Variants in ZMYM6 observed in about 807,000 individuals in gnomAD.
ZMYM6 encodes the protein zinc finger MYM-type protein 6.
A neutral mutation model predicts 134.0 loss-of-function variants in ZMYM6; 90 were observed. The ratio of observed to expected loss-of-function variants is 0.67; its 90% CI spans 0.57 to 0.80. The LOEUF (loss-of-function observed/expected upper bound fraction) is 0.80, where lower values mean the gene tolerates loss of function less well. Among genes scored for constraint, ZMYM6 ranks in the 30% least tolerant of loss-of-function variants. The probability of loss-of-function intolerance (pLI) is 0.00; values close to 1 mark genes in which losing one functional copy is unlikely to be tolerated. For missense variants in ZMYM6, 1,362 were observed against 1,533.9 expected, an observed-to-expected ratio of 0.89 and a Z score of 1.87; for synonymous variants, 481 against 524.1, an observed-to-expected ratio of 0.92 and a Z score of 1.12.
intron 12 of ZMYM6, among the ~76,000 whole-genome samples, chr1:35,006,712 A>G (rs1311154715): frequency 6.6e-6 from 1 of 152,224 alleles, no homozygotes; most frequent in East Asian, 1.9e-4. Flanking sequence ...TAAGTTTCCT[A>G]TAAAAATTAG....
Position 34,987,053 on chromosome 1 carries a change from C to T in ZMYM6, c.*51G>A, listed in dbSNP as rs576142905. On this transcript the variant is annotated 3_prime_UTR_variant, in exon 16 of 16. Coordinates refer to ENST00000357182, the MANE Select transcript of ZMYM6 (RefSeq NM_007167.4). ...GAAATTATCTTTTAGGATACTTATA[C>T]AAAACTTAACACAGGATTATTGACT... 4 of 1,278,316 alleles carry T rather than the reference C, an allele frequency of 3.1e-6. No homozygotes were observed. In the South Asian group the frequency reaches 7.0e-5, roughly 22 times the overall value. The allele number at this position is 1,278,316 out of a possible 1,614,324, so 79.2% of individuals were successfully genotyped here.
intron 13 of ZMYM6, among the ~76,000 whole-genome samples, 166 bp downstream of exon 13, chr1:35,004,963 CAGG>C (rs1640939992): frequency 6.6e-6 from 1 of 152,100 alleles, no homozygotes; most frequent in Admixed American, 6.6e-5. Context: ...GAGGCTGAGG[CAGG>C]AGAATTGCTT....
chr1:35,016,151 A>G (rs1445663143), intron 4 of ZMYM6, among the ~76,000 whole-genome samples: 1 of 151,968 alleles, frequency 6.6e-6, no homozygotes, highest in Non-Finnish European at 1.5e-5. Flanking sequence ...GGGTTTCGCC[A>G]TATTGGCCAC....
At chr1:35,017,036 A>G (rs1641214374) in intron 4 of ZMYM6, among the ~76,000 whole-genome samples, 1 of 152,070 alleles carries the variant, frequency 6.6e-6, no homozygotes, top group African/African-American at 2.4e-5. Flanking sequence ...AACCACTATA[A>G]GGTTAAGTAT....
At chr1:35,024,990 T>C (rs1641381822) in intron 2 of ZMYM6, among the ~76,000 whole-genome samples, 1 of 151,960 alleles carries the variant, frequency 6.6e-6, no homozygotes, top group Non-Finnish European at 1.5e-5. Flanking sequence ...TGCCTCAGCC[T>C]CCCCAGTAGC....
Position 34,987,902 on chromosome 1 carries a change from C to G in ZMYM6, c.3180G>C (p.Glu1060Asp), listed in dbSNP as rs1557552827. The part of the protein sequence containing the change: ...LTILCEEMGS[E>D]HVSLPLHAEV... ...CAGCATGAAGCGGTAAACTCACATG[C>G]TCAGATCCCATCTCTTCACACAAAA... The change falls in exon 16 of 16, where the codon GAG becomes GAC. Residue 1060 changes from glutamate (E) to aspartate (D), a missense_variant. By Grantham distance (45) the Glu-to-Asp change is conservative (BLOSUM62 2). Transcript: ENST00000357182. 6.4e-7 allele frequency: 1 copy of G among 1,551,688 alleles called. No homozygotes were observed. The highest frequency in any genetic ancestry group is 8.7e-7 in the Non-Finnish European group (1 of 1,146,980).
At chr1:35,004,038 T>C (rs1306253195) in intron 13 of ZMYM6, 33 bp from the exon 14 acceptor site, 10 of 1,558,260 alleles carry the variant, frequency 6.4e-6, no homozygotes. Context: ...TTATTATCCT[T>C]AGAATATACA....
intron 12 of ZMYM6, among the ~76,000 whole-genome samples, chr1:35,006,255 A>T (rs1329811715): frequency 6.6e-6 from 1 of 152,178 alleles, no homozygotes; most frequent in Non-Finnish European, 1.5e-5. Context: ...TAATTTGCCC[A>T]TCTCAGCCTT....
chr1:35,026,480 T>C (rs566853647), intron 2 of ZMYM6, among the ~76,000 whole-genome samples: 2 of 152,324 alleles, frequency 1.3e-5, no homozygotes, highest in Non-Finnish European at 2.9e-5. Context: ...TCATAGTCTA[T>C]ACCCTCAATC....
intron 9 of ZMYM6, 52 bp from the exon 10 acceptor site, chr1:35,010,649 T>C: frequency 6.4e-7 from 1 of 1,558,762 alleles, no homozygotes; most frequent in Non-Finnish European, 8.6e-7. Context: ...TGCTTTATCT[T>C]TAAGAACTCC....
At chr1:34,994,937 T>C (rs1640748773) in intron 14 of ZMYM6, among the ~76,000 whole-genome samples, 2 of 145,296 alleles carry the variant, frequency 1.4e-5, no homozygotes, top group Admixed American at 6.9e-5. Flanking sequence ...CATATATATA[T>C]ATATGTATAC....
intron 2 of ZMYM6, among the ~76,000 whole-genome samples, chr1:35,027,415 G>A (rs1230918375): frequency 1.3e-5 from 2 of 152,186 alleles, no homozygotes; most frequent in African/African-American, 4.8e-5. Flanking sequence ...ACTGAAGGAA[G>A]GAGAATAGGT....
intron 14 of ZMYM6, among the ~76,000 whole-genome samples, chr1:35,000,239 T>G (rs1268329600): frequency 7.8e-6 from 1 of 127,860 alleles, no homozygotes; most frequent in Non-Finnish European, 1.5e-5. Context: ...CCAGAGATTT[T>G]TTTTTTCTTT....
chr1:35,028,183 G>A (rs1403618837), intron 2 of ZMYM6, among the ~76,000 whole-genome samples: 1 of 151,880 alleles, frequency 6.6e-6, no homozygotes, highest in Non-Finnish European at 1.5e-5. Context: ...AGGCGTGGTG[G>A]CGCACACCTG....
chr1:35,002,955 T>C (rs1451898964), intron 14 of ZMYM6, among the ~76,000 whole-genome samples: 1 of 152,006 alleles, frequency 6.6e-6, no homozygotes, highest in Non-Finnish European at 1.5e-5. Context: ...GGAGGATCAC[T>C]TGAGGCTAGG....
At position 35,019,446 on chromosome 1, in the gene ZMYM6, G is replaced by A; in HGVS notation, c.335C>T (p.Thr112Ile). ...GQTAYHKTGS[T>I]QLFCSTRCIT... Reference sequence around the variant, plus strand: ...GCATCGTGTGGAGCAGAAGAGCTGAGTAGATCCTGTCTTATGATATGCAGT... The same window carrying A: ...GCATCGTGTGGAGCAGAAGAGCTGAATAGATCCTGTCTTATGATATGCAGT... Residue 112 changes from threonine (T) to isoleucine (I), a missense_variant, in exon 4 of 16, where the codon ACT (threonine) becomes ATT (isoleucine). By Grantham distance (89) the Thr-to-Ile change is moderately conservative (BLOSUM62 -1). Transcript: ENST00000357182. 6.2e-7 allele frequency: 1 copy of A among 1,614,156 alleles called. No individual in the cohort carries two copies. Among genetic ancestry groups the A allele is most frequent in the Non-Finnish European group, 8.5e-7 (1 of 1,180,038 alleles).
chr1:35,013,611 T>C, intron 6 of ZMYM6: 1 of 985,406 alleles, frequency 1.0e-6, no homozygotes, highest in South Asian at 4.7e-5. Flanking sequence ...TACCAACTGC[T>C]CAAAGGAAGC....
rs1640943432 is a variant in ZMYM6 at position 35,005,143 on chromosome 1, C to T, written c.1943G>A (p.Ser648Asn). Residue 648 changes from serine (S) to asparagine (N), a missense_variant, in exon 13 of 16, where the codon AGT (serine) becomes AAT (asparagine). This residue lies in a region of ZMYM6 where 824 missense variants were observed against 940.9 expected (regional missense o/e 0.88). Coordinates refer to ENST00000357182, the MANE Select transcript of ZMYM6 (RefSeq NM_007167.4). ...ATATCAAGTCATACCTTTTAAAACACTGTTAGTGTTCCCTGTAGATAAGGT... is the reference window on the plus strand; with the variant it reads ...ATATCAAGTCATACCTTTTAAAACATTGTTAGTGTTCCCTGTAGATAAGGT... The part of the protein sequence containing the change: ...PATLSTGNTN[S>N]VLKGAVTKEA... 2.2e-5 allele frequency: 35 copies of T among 1,614,042 alleles called. No individual in the cohort carries two copies. In the East Asian group the frequency reaches 7.6e-4, roughly 35 times the overall value.
In ZMYM6 at chr1:34,988,584, TAAG is replaced by T. The variant is rs1640611359; in HGVS notation, c.2495_2497del (p.Ser832del). The T allele has an allele frequency of 1.6e-5, 25 of 1,550,912 alleles. No homozygotes were observed. The highest frequency in any genetic ancestry group is 4.1e-5 in the African/African-American group (3 of 73,060). On this transcript the variant is annotated inframe_deletion, in exon 16 of 16. Transcript: ENST00000357182. ...TGCAGCAGTTTGGAAAGCAATTAAA[TAAG>T]AAGCTTTCACAAGTGACTTTTCAAC...
Sources: allele counts gnomAD v4.1 joint callset (sites outside exome capture counted in the v4.1 genomes callset), GRCh38; gene constraint gnomAD v4.1.1; regional missense constraint gnomAD v4.1.1; transcripts MANE v1.5; gene names NCBI Gene and HGNC (gene_info 2026-07-23, HGNC 2026-07-21).